The following MIOS variants were observed in gnomAD, a reference collection of about 807,000 sequenced individuals.
MIOS encodes the protein GATOR2 complex protein MIOS.
A neutral mutation model predicts 96.9 loss-of-function variants in MIOS; 52 were observed. That is an observed-to-expected ratio of 0.54 (90% CI 0.43 to 0.68). The LOEUF (loss-of-function observed/expected upper bound fraction) is 0.68, where lower values mean the gene tolerates loss of function less well. MIOS is among the 30% of genes least tolerant of loss of function. The pLI, the probability that MIOS is intolerant of heterozygous loss-of-function variation, is 0.00. For missense variants in MIOS, 1,005 were observed against 1,052.8 expected, an observed-to-expected ratio of 0.95 and a Z score of 0.63; for synonymous variants, 397 against 359.5, an observed-to-expected ratio of 1.10 and a Z score of -1.18.
Position 7,595,027 on chromosome 7 carries a change from T to C in MIOS, c.2091T>C (p.Ile697=), listed in dbSNP as rs777378593. ...AAGATGAAAGGGTTCAGTACTGGAT[T>C]GAGAATTATAGAAATTTATTAGATG... The part of the protein sequence containing the change: ...VLKDERVQYW[I]ENYRNLLDAW... Residue 697 remains isoleucine, a synonymous_variant, in exon 10 of 13, where the codon ATT becomes ATC. Transcript: ENST00000340080. 2.5e-6 allele frequency: 4 copies of C among 1,613,518 alleles called. No individual in the cohort carries two copies. The Admixed American group carries it at 6.7e-5, about 27-fold the overall frequency.
At chr7:7,606,289 A>G (rs942982147) in intron 12 of MIOS, among the ~76,000 whole-genome samples, 2 of 152,216 alleles carry the variant, frequency 1.3e-5, no homozygotes, top group African/African-American at 4.8e-5. Flanking sequence ...ACTAATTTAA[A>G]TGTTTTGTAT....
At chr7:7,570,990 G>A (rs746954365) in intron 3 of MIOS, among the ~76,000 whole-genome samples, 1 of 152,092 alleles carries the variant, frequency 6.6e-6, no homozygotes, top group African/African-American at 2.4e-5. Flanking sequence ...ACTTTTGCAA[G>A]ATCAAAAAGA....
intron 7 of MIOS, 86 bp downstream of exon 7, chr7:7,585,891 G>C: frequency 8.3e-7 from 1 of 1,203,736 alleles, no homozygotes; most frequent in East Asian, 2.7e-5. Context: ...AATGTCTGTT[G>C]CATAAAATAT....
At chr7:7,580,712 A>G (rs1435849772) in intron 5 of MIOS, among the ~76,000 whole-genome samples, 2 of 38,742 alleles carry the variant, frequency 5.2e-5, no homozygotes, top group Non-Finnish European at 1.1e-4. Flanking sequence ...TTTTTTTTTT[A>G]AAGAGACAGA....
intron 9 of MIOS, among the ~76,000 whole-genome samples, chr7:7,593,901 A>AAAAAAAAAAAAAAC (rs376486803): frequency 6.9e-6 from 1 of 145,040 alleles, no homozygotes; most frequent in Non-Finnish European, 1.5e-5. Context: ...AAAAAGAAAA[A>AAAAAAAAAAAAAAC]GAAAAGAAAA....
chr7:7,582,642 G>A, intron 5 of MIOS: 1 of 978,960 alleles, frequency 1.0e-6, no homozygotes, highest in African/African-American at 1.7e-5. Context: ...AAAGAAGGAA[G>A]AAAGCAAGAT....
At position 7,596,308 on chromosome 7, in the gene MIOS, G is replaced by A. The variant is rs2115466251; in HGVS notation, c.2248G>A (p.Ala750Thr). The A allele has an allele frequency of 6.2e-7, 1 of 1,614,074 alleles. No individual in the cohort carries two copies. Among genetic ancestry groups the A allele is most frequent in the Non-Finnish European group, 8.5e-7 (1 of 1,180,024 alleles). Reference sequence around the variant, plus strand: ...CAAGTCAATCTCCTACAGCTGTTCAGCTGTGCCTCATCAGGGCAGAGGTTT... The same window carrying A: ...CAAGTCAATCTCCTACAGCTGTTCAACTGTGCCTCATCAGGGCAGAGGTTT... ...CGKSISYSCS[A>T]VPHQGRGFSQ... The change falls in exon 11 of 13, where the codon GCT becomes ACT. Residue 750 changes from alanine (A) to threonine (T), a missense_variant. Ala to Thr is a moderately conservative substitution (Grantham distance 58). Transcript: ENST00000340080.
intron 11 of MIOS, among the ~76,000 whole-genome samples, chr7:7,599,422 A>G (rs975489969): frequency 1.9e-4 from 29 of 152,230 alleles, no homozygotes; most frequent in African/African-American, 6.5e-4. Context: ...TATATAAGGA[A>G]AGAATTAGGA....
chr7:7,589,163 A>G (rs563527938), intron 8 of MIOS, among the ~76,000 whole-genome samples: 1 of 152,166 alleles, frequency 6.6e-6, no homozygotes, highest in African/African-American at 2.4e-5. Flanking sequence ...AACCATCTAT[A>G]GTTCTTTTAT....
At chr7:7,568,483 A>G (rs1783230829) in intron 3 of MIOS, among the ~76,000 whole-genome samples, 1 of 152,002 alleles carries the variant, frequency 6.6e-6, no homozygotes, top group African/African-American at 2.4e-5. Context: ...TTACATGGTG[A>G]AAAAAAATAC....
At chr7:7,600,488 A>C (rs1784343793) in intron 11 of MIOS, among the ~76,000 whole-genome samples, 1 of 152,224 alleles carries the variant, frequency 6.6e-6, no homozygotes, top group Admixed American at 6.5e-5. Flanking sequence ...ACATAATGGT[A>C]AAGGGATCAG....
rs761951033 is a variant in MIOS, at chr7:7,583,151, G to C, written c.1427G>C (p.Gly476Ala). ...MVESSRHNWS[G>A]LDKQSDIQNL... ...GAAAGCAGCAGACATAATTGGAGTGGGTTGGATAAGCAAAGTGATATTCAA... is the reference window on the plus strand; with the variant it reads ...GAAAGCAGCAGACATAATTGGAGTGCGTTGGATAAGCAAAGTGATATTCAA... Residue 476 changes from glycine (G) to alanine (A), a missense_variant, in exon 6 of 13, where the codon GGG becomes GCG. Around this residue, in one of 3 missense-constraint regions of MIOS, gnomAD observed 865 missense variants for 887.9 expected, o/e 0.97. Coordinates refer to ENST00000340080, the MANE Select transcript of MIOS (RefSeq NM_019005.4). 6.2e-7 allele frequency: 1 copy of C among 1,613,880 alleles called. No individual in the cohort carries two copies. The highest frequency in any genetic ancestry group is 1.3e-5 in the African/African-American group (1 of 74,934).
intron 10 of MIOS, among the ~76,000 whole-genome samples, chr7:7,595,406 A>G (rs751673383): frequency 2.6e-5 from 4 of 152,062 alleles, no homozygotes; most frequent in Non-Finnish European, 5.9e-5. Context: ...AAACTATTAC[A>G]TTATCTTATA....
At chr7:7,592,650 G>A (rs991336752) in intron 9 of MIOS, among the ~76,000 whole-genome samples, 63 of 151,792 alleles carry the variant, frequency 4.2e-4, no homozygotes, top group African/African-American at 1.4e-3. Context: ...AGATCATCAG[G>A]CATTAGATTC....
chr7:7,571,737 C>A (rs1194665254), intron 3 of MIOS, among the ~76,000 whole-genome samples: 2 of 152,178 alleles, frequency 1.3e-5, no homozygotes, highest in Non-Finnish European at 2.9e-5. Context: ...TACGGCAGAG[C>A]TAGGACTAGA....
intron 2 of MIOS, 145 bp downstream of exon 2, chr7:7,567,833 C>G (rs1276141040): frequency 6.6e-6 from 1 of 152,154 alleles, no homozygotes; most frequent in Non-Finnish European, 1.5e-5. Flanking sequence ...TCGGATTTCC[C>G]AGAGTTGGTG....
rs1195299051 is a variant in MIOS at position 7,572,880 on chromosome 7, G to A, written c.405G>A (p.Lys135=). The change falls in exon 4 of 13, where the codon AAG becomes AAA. Residue 135 remains lysine (K), a synonymous_variant. Transcript: ENST00000340080. The surrounding 1 kb of genome is among the most constrained non-coding windows in gnomAD (Gnocchi z 4.8). ...DSNWLAAGLD[K]HRADFSVLIW... ...ACTGGCTAGCTGCTGGTTTAGATAA[G>A]CACAGAGCTGACTTTTCAGTGCTAA... is the stretch of plus-strand genomic sequence containing the variant. 1 of 1,614,038 alleles carries A rather than the reference G, an allele frequency of 6.2e-7. No homozygotes were observed. Among genetic ancestry groups the A allele is most frequent in the Non-Finnish European group, 8.5e-7 (1 of 1,180,028 alleles).
intron 6 of MIOS, among the ~76,000 whole-genome samples, chr7:7,585,416 C>CT (rs777174384): frequency 0.017 from 1,257 of 73,466 alleles, 20 homozygotes; most frequent in South Asian, 0.081. Flanking sequence ...AAACCCCCCC[C>CT]TTTTTTTTTT....
chr7:7,594,358 G>C (rs1784141518), intron 9 of MIOS, among the ~76,000 whole-genome samples: 1 of 150,998 alleles, frequency 6.6e-6, no homozygotes, highest in South Asian at 2.1e-4. Context: ...CCAGACTACA[G>C]TGCAACGGCA....
Sources: allele counts gnomAD v4.1 joint callset (sites outside exome capture counted in the v4.1 genomes callset), GRCh38; gene constraint gnomAD v4.1.1; regional missense constraint gnomAD v4.1.1; non-coding constraint Gnocchi (gnomAD v3.1); transcripts MANE v1.5; gene names NCBI Gene and HGNC (gene_info 2026-07-23, HGNC 2026-07-21).